Variants in SLC4A8 observed in about 807,000 individuals in gnomAD.
The protein encoded by SLC4A8 is solute carrier family 4 member 8, also known as electroneutral sodium bicarbonate exchanger 1.
In SLC4A8, 40 loss-of-function variants were observed where a neutral mutation model predicts 125.0. The ratio of observed to expected loss-of-function variants is 0.32; its 90% CI spans 0.25 to 0.42. SLC4A8 has a LOEUF of 0.42. SLC4A8 is among the 10% of genes least tolerant of loss of function. The pLI is 1.00. For synonymous variants in SLC4A8, 456 were observed against 476.0 expected, an observed-to-expected ratio of 0.96 and a Z score of 0.55; for missense variants, 863 against 1,355.1, an observed-to-expected ratio of 0.64 and a Z score of 5.70.
intron 10 of SLC4A8, among the ~76,000 whole-genome samples, chr12:51,463,412 T>C (rs11169843): frequency 2.5e-5 from 1 of 39,748 alleles, no homozygotes; most frequent in Admixed American, 2.1e-4. Context: ...AATTATGGGG[T>C]GTGTGTGTGT....
Position 51,457,405 on chromosome 12 carries a change from T to C in SLC4A8, c.629T>C (p.Val210Ala), listed in dbSNP as rs1323785722. 6.2e-7 allele frequency: 1 copy of C among 1,613,990 alleles called. No homozygotes were observed. Among genetic ancestry groups the C allele is most frequent in the East Asian group, 2.2e-5 (1 of 44,888 alleles). Residue 210 changes from valine (V) to alanine (A), a missense_variant, in exon 6 of 25, where the codon GTT becomes GCT. Transcript: ENST00000453097. ...LSSDLNDSMR[V>A]KVREALLKKH... ...AGTGACCTGAATGACAGCATGAGGG[T>C]TAAAGTGCGGGAAGCCCTTCTCAAA...
At chr12:51,506,032 A>G in intron 24 of SLC4A8, 102 bp downstream of exon 24, 1 of 639,474 alleles carries the variant, frequency 1.6e-6, no homozygotes, top group Admixed American at 2.6e-5. Context: ...AATTTGTGTA[A>G]TAAATAGCAC....
chr12:51,463,410 G>GGTGTGTGTGT (rs71731491), intron 10 of SLC4A8, among the ~76,000 whole-genome samples: 23 of 144,120 alleles, frequency 1.6e-4, no homozygotes, highest in South Asian at 6.8e-4. Context: ...GAAATTATGG[G>GGTGTGTGTGT]GTGTGTGTGT....
intron 11 of SLC4A8, among the ~76,000 whole-genome samples, chr12:51,466,888 C>G (rs1950534569): frequency 6.6e-6 from 1 of 152,038 alleles, no homozygotes; most frequent in Admixed American, 6.6e-5. Flanking sequence ...ACACTCCTGT[C>G]CTCCTGTGTC....
Position 51,498,509 on chromosome 12 carries a change from C to T in SLC4A8, c.3081+1385C>T, listed in dbSNP as rs151222451. 2.2e-3 allele frequency among the ~76,000 whole-genome samples: 338 copies of T among 151,626 alleles called. 2 individuals carry two copies. The highest frequency in any genetic ancestry group is 7.9e-3 in the African/African-American group (328 of 41,366). ...GCAAGGAGAATACTTTTTTACTTGT[C>T]GAATTGGCAAAGATTTTTAAAAGAT... On this transcript the variant is annotated intron_variant, in intron 22 of 24. Coordinates refer to ENST00000453097, the MANE Select transcript of SLC4A8 (RefSeq NM_001039960.3).
chr12:51,443,008 C>A (rs1184524316), intron 2 of SLC4A8, among the ~76,000 whole-genome samples: 1 of 152,168 alleles, frequency 6.6e-6, no homozygotes, highest in African/African-American at 2.4e-5. Context: ...GGTCTTTTTT[C>A]CCCTTTATGT....
intron 1 of SLC4A8, among the ~76,000 whole-genome samples, chr12:51,413,685 G>A (rs1357669901): frequency 6.6e-6 from 1 of 152,116 alleles, no homozygotes; most frequent in Non-Finnish European, 1.5e-5. Context: ...CCTTTCCCCA[G>A]TGCATGTTCT....
intron 24 of SLC4A8, 31 bp from the exon 25 acceptor site, chr12:51,507,395 C>G (rs750585913): frequency 4.5e-6 from 6 of 1,343,798 alleles, no homozygotes; most frequent in Non-Finnish European, 5.8e-6. Flanking sequence ...CATATGTTCC[C>G]TTTTTGTCTA....
At chr12:51,494,437 C>T (rs1412007477) in intron 20 of SLC4A8, 1 of 144,776 alleles carries the variant, frequency 6.9e-6, no homozygotes, top group African/African-American at 2.6e-5. Flanking sequence ...TTCCTATGGC[C>T]ATTCTTACAT....
chr12:51,399,124 C>T (rs1405243921), intron 1 of SLC4A8, among the ~76,000 whole-genome samples: 2 of 152,174 alleles, frequency 1.3e-5, no homozygotes, highest in African/African-American at 4.8e-5. Flanking sequence ...ATTAATATTA[C>T]TTTGGATTGT....
chr12:51,479,866 C>T (rs1347004759), intron 16 of SLC4A8: 1 of 249,210 alleles, frequency 4.0e-6, no homozygotes, highest in East Asian at 1.4e-4. Context: ...TTCAGCCCTT[C>T]TGATGCCTAA....
chr12:51,474,975 G>C (rs1361762684), intron 15 of SLC4A8, 70 bp from the exon 16 acceptor site: 1 of 1,351,722 alleles, frequency 7.4e-7, no homozygotes, highest in Non-Finnish European at 1.0e-6. Flanking sequence ...ATGAGTGGTG[G>C]ACTCAGTAGG....
intron 17 of SLC4A8, among the ~76,000 whole-genome samples, chr12:51,486,718 A>G (rs1269009829): frequency 6.6e-6 from 1 of 152,238 alleles, no homozygotes; most frequent in African/African-American, 2.4e-5. Flanking sequence ...GCCGACAGGA[A>G]TAAAGGCAGT....
chr12:51,460,137 C>CT (rs752925692), intron 8 of SLC4A8, 29 bp downstream of exon 8: 10 of 1,590,720 alleles, frequency 6.3e-6, no homozygotes, highest in Admixed American at 3.3e-5. Flanking sequence ...CTCATGCATT[C>CT]TATCCAAAAT....
chr12:51,463,544 C>A, intron 10 of SLC4A8, 70 bp from the exon 11 acceptor site: 1 of 1,194,280 alleles, frequency 8.4e-7, no homozygotes, highest in Non-Finnish European at 1.2e-6. Context: ...ATCCCATTCC[C>A]ACTCCCTGCT....
upstream of SLC4A8, among the ~76,000 whole-genome samples, chr12:51,421,022 G>C (rs973944144): frequency 1.3e-5 from 2 of 152,140 alleles, no homozygotes; most frequent in Non-Finnish European, 2.9e-5. Flanking sequence ...GGTATGATGT[G>C]TGTGTGTGTG....
chr12:51,424,960 C>G lies in SLC4A8; in HGVS notation c.-28C>G. On this transcript the variant is annotated 5_prime_UTR_variant, in exon 1 of 25. Coordinates refer to ENST00000453097, the MANE Select transcript of SLC4A8 (RefSeq NM_001039960.3). Reference sequence around the variant, plus strand: ...GGCTGCTGATGCTTGGCTTGGAGCCCGTGGGGGAGACCTAGTTCGGCTCCG... The same window carrying G: ...GGCTGCTGATGCTTGGCTTGGAGCCGGTGGGGGAGACCTAGTTCGGCTCCG... The G allele has an allele frequency of 4.5e-6, 7 of 1,550,284 alleles. No individual in the cohort carries two copies. Among genetic ancestry groups the G allele is most frequent in the Non-Finnish European group, 6.1e-6 (7 of 1,146,872 alleles).
At chr12:51,432,758 C>T (rs1037780357) in intron 1 of SLC4A8, among the ~76,000 whole-genome samples, 1 of 152,046 alleles carries the variant, frequency 6.6e-6, no homozygotes, top group African/African-American at 2.4e-5. Flanking sequence ...TGGAAATCAT[C>T]TCTATATTTA....
At chr12:51,463,984 T>A (rs1326434673) in intron 11 of SLC4A8, among the ~76,000 whole-genome samples, 1 of 152,202 alleles carries the variant, frequency 6.6e-6, no homozygotes, top group Non-Finnish European at 1.5e-5. Flanking sequence ...CTCTTCCCTT[T>A]CCTCATCTCC....
Sources: allele counts gnomAD v4.1 joint callset (sites outside exome capture counted in the v4.1 genomes callset), GRCh38; gene constraint gnomAD v4.1.1; transcripts MANE v1.5; gene names NCBI Gene and HGNC (gene_info 2026-07-23, HGNC 2026-07-21).